The following MAGEL2 variants were observed in gnomAD, a reference collection of about 807,000 sequenced individuals.
MAGEL2 encodes the protein MAGE family member L2.
For missense variants in MAGEL2, 1,830 were observed against 1,699.2 expected, an observed-to-expected ratio of 1.08 and a Z score of -1.35; for synonymous variants, 792 against 721.7, an observed-to-expected ratio of 1.10 and a Z score of -1.56.
Position 23,643,874 on chromosome 15 carries a change from G to T in MAGEL2, c.*119C>A. 1.7e-6 allele frequency: 2 copies of T among 1,193,196 alleles called. No homozygotes were observed. Among genetic ancestry groups the T allele is most frequent in the Non-Finnish European group, 2.2e-6 (2 of 891,210 alleles). The allele number at this position is 1,193,196 out of a possible 1,614,324, so 73.9% of individuals were successfully genotyped here. On this transcript the variant is annotated 3_prime_UTR_variant, in exon 1 of 1. Coordinates refer to ENST00000650528, the MANE Select transcript of MAGEL2 (RefSeq NM_019066.5). ...GCTTTGGCAGATACGAAACCAAGTTGAAAATCCAAACGTACACTCGTGGAA... is the reference window on the plus strand; with the variant it reads ...GCTTTGGCAGATACGAAACCAAGTTTAAAATCCAAACGTACACTCGTGGAA...
rs774092989 is a variant in MAGEL2 at position 23,647,535 on chromosome 15, C to T, written c.208G>A (p.Gly70Ser). Residue 70 changes from glycine to serine, a missense_variant, in exon 1 of 1, where the codon GGC becomes AGC. Gly to Ser is a moderately conservative substitution (Grantham distance 56). Transcript: ENST00000650528. ...APQPAWEAPQGQLPAPVVPMT... is the reference protein window; with the variant it reads ...APQPAWEAPQSQLPAPVVPMT... The stretch of plus-strand genomic sequence containing the variant: ...GGAACCACCGGGGCGGGCAGCTGGC[C>T]CTGTGGGGCCTCCCAGGCAGGCTGA... 6.5e-7 allele frequency: 1 copy of T among 1,532,630 alleles called. No homozygotes were observed. Among genetic ancestry groups the T allele is most frequent in the South Asian group, 1.2e-5 (1 of 83,562 alleles). The allele number at this position is 1,532,630 out of a possible 1,614,324, so 94.9% of individuals were successfully genotyped here.
chr15:23,645,224 G>T lies in MAGEL2; in HGVS notation c.2519C>A (p.Pro840His), dbSNP rs780763780. Residue 840 changes from proline to histidine, a missense_variant, in exon 1 of 1, where the codon CCC becomes CAC. Coordinates refer to ENST00000650528, the MANE Select transcript of MAGEL2 (RefSeq NM_019066.5). ...CGATGCCTTTGAGGCATTCATATTG[G>T]GCTGTGGGACCCATGGAACTGCAGG... Reference protein sequence around the residue: ...ALPAVPWVPQPNMNASKASQA... With the variant: ...ALPAVPWVPQHNMNASKASQA... 1.9e-5 allele frequency: 31 copies of T among 1,613,800 alleles called. No individual in the cohort carries two copies. The highest frequency in any genetic ancestry group is 2.6e-5 in the Non-Finnish European group (31 of 1,179,912).
chr15:23,643,930 C>G lies in MAGEL2; in HGVS notation c.*63G>C. On this transcript the variant is annotated 3_prime_UTR_variant, in exon 1 of 1. Transcript: ENST00000650528. The stretch of plus-strand genomic sequence containing the variant: ...ACACAAACACCAGGAACAAAAATGT[C>G]CCCCCACCCTGTCAGTGGCCTCTGG... 1 of 1,465,258 alleles carries G rather than the reference C, an allele frequency of 6.8e-7. No homozygotes were observed. Among genetic ancestry groups the G allele is most frequent in the South Asian group, 1.6e-5 (1 of 64,280 alleles). The allele number at this position is 1,465,258 out of a possible 1,614,324, so 90.8% of individuals were successfully genotyped here.
In MAGEL2 at chr15:23,646,078, C is replaced by A. The variant is rs768084923; in HGVS notation, c.1665G>T (p.Pro555=). The change falls in exon 1 of 1, where the codon CCG becomes CCT. Residue 555 remains proline, a synonymous_variant. Coordinates refer to ENST00000650528, the MANE Select transcript of MAGEL2 (RefSeq NM_019066.5). This position sits in a 1 kb window ranked among gnomAD's most constrained non-coding sequence, Gnocchi z 4.2. ...GCTGGGGCACCTGCGGGCCAGCGGG[C>A]GGCGCCGCGGGTACCTGCGTAGCAG... ...APPATQVPAA[P]PAGPQVPQPV... is the part of the protein sequence containing the mutation. 15 of 1,471,706 alleles carry A rather than the reference C, an allele frequency of 1.0e-5. No individual in the cohort carries two copies. In the Admixed American group the frequency reaches 3.2e-4, roughly 31 times the overall value. 91.2% of individuals were successfully genotyped at this position (1,471,706 alleles called of 1,614,324 possible).
rs2140712506 is a variant in MAGEL2, at chr15:23,644,555, T to C, written c.3188A>G (p.Asn1063Ser). 6.2e-7 allele frequency: 1 copy of C among 1,613,960 alleles called. No individual in the cohort carries two copies. The highest frequency in any genetic ancestry group is 8.5e-7 in the Non-Finnish European group (1 of 1,179,888). ...EYKDECLDII[N>S]RANNKLECAF... is the part of the protein sequence containing the mutation. Reference sequence around the variant, plus strand: ...ACACTCCAGCTTATTGTTGGCACGGTTGATGATATCTAAGCACTCATCTTT... The same window carrying C: ...ACACTCCAGCTTATTGTTGGCACGGCTGATGATATCTAAGCACTCATCTTT... Residue 1063 changes from asparagine to serine, a missense_variant, in exon 1 of 1, where the codon AAC (asparagine) becomes AGC (serine). Physicochemically the swap from Asn to Ser is conservative, Grantham distance 46 (BLOSUM62 1). Coordinates refer to ENST00000650528, the MANE Select transcript of MAGEL2 (RefSeq NM_019066.5).
rs1283338365 is a variant in MAGEL2 at position 23,644,709 on chromosome 15, C to T, written c.3034G>A (p.Val1012Met). ...GSSATQDNSK[V>M]EAQPLSPLDE... ...AAGGGAGACAAGGGCTGTGCCTCCA[C>T]CTTGGAATTATCCTGGGTGGCACTG... The change falls in exon 1 of 1, where the codon GTG (valine) becomes ATG (methionine). Residue 1012 changes from valine (V) to methionine (M), a missense_variant. Val to Met is a conservative substitution (Grantham distance 21, BLOSUM62 1). Coordinates refer to ENST00000650528, the MANE Select transcript of MAGEL2 (RefSeq NM_019066.5). 2.5e-6 allele frequency: 4 copies of T among 1,613,868 alleles called. No homozygotes were observed. The highest frequency in any genetic ancestry group is 3.3e-5 in the Admixed American group (2 of 60,028).
At position 23,647,663 on chromosome 15, in the gene MAGEL2, G is replaced by T; in HGVS notation, c.80C>A (p.Thr27Lys). The change falls in exon 1 of 1, where the codon ACG becomes AAG. Residue 27 changes from threonine to lysine, a missense_variant. Physicochemically the swap from Thr to Lys is moderately conservative, Grantham distance 78 (BLOSUM62 -1). Coordinates refer to ENST00000650528, the MANE Select transcript of MAGEL2 (RefSeq NM_019066.5). The part of the protein sequence containing the change: ...APKPPVYSRP[T>K]VLMRAPPASS... ...AGCGGGCGGGGCCCGCATCAGAACC[G>T]TAGGGCGGCTATAGACAGGCGGCTT... The T allele has an allele frequency of 2.6e-6, 4 of 1,531,300 alleles. No individual in the cohort carries two copies. The highest frequency in any genetic ancestry group is 3.5e-6 in the Non-Finnish European group (4 of 1,145,176). 94.9% of individuals were successfully genotyped at this position (1,531,300 alleles called of 1,614,324 possible).
rs1039431104 is a variant in MAGEL2 at position 23,647,213 on chromosome 15, G to A, written c.530C>T (p.Thr177Ile). Residue 177 changes from threonine to isoleucine, a missense_variant, in exon 1 of 1, where the codon ACC becomes ATC. Coordinates refer to ENST00000650528, the MANE Select transcript of MAGEL2 (RefSeq NM_019066.5). ...CGGAGGAGGAGGATGCACCATCGGG[G>A]TCCCCGGAGGAGGAGGATGGGCCAT... ...TPMAHPPPPG[T>I]PMVHPPPPGT... The A allele has an allele frequency of 1.3e-6, 2 of 1,520,350 alleles. No individual in the cohort carries two copies. The highest frequency in any genetic ancestry group is 1.8e-6 in the Non-Finnish European group (2 of 1,138,402). 94.2% of individuals were successfully genotyped at this position (1,520,350 alleles called of 1,614,324 possible).
chr15:23,646,775 G>C lies in MAGEL2; in HGVS notation c.968C>G (p.Ala323Gly). ...CGGGGCCCAAGAAGCCATCGGCTGT[G>C]CAGGTGGGGCCATCGGCTGTGCAGG... ...APPAQPMAPP[A>G]QPMASWAPQA... Residue 323 changes from alanine to glycine, a missense_variant, in exon 1 of 1, where the codon GCA (alanine) becomes GGA (glycine). Physicochemically the swap from Ala to Gly is moderately conservative, Grantham distance 60. Transcript: ENST00000650528. The surrounding 1 kb of genome is among the most constrained non-coding windows in gnomAD (Gnocchi z 4.2). 6.5e-7 allele frequency: 1 copy of C among 1,533,248 alleles called. No individual in the cohort carries two copies. Among genetic ancestry groups the C allele is most frequent in the Non-Finnish European group, 8.7e-7 (1 of 1,146,210 alleles). The allele number at this position is 1,533,248 out of a possible 1,614,324, so 95.0% of individuals were successfully genotyped here. A position where few individuals can be genotyped will look rare whatever the true frequency, so the allele number is the denominator to read the frequency against.
chr15:23,644,322 A>G lies in MAGEL2; in HGVS notation c.3421T>C (p.Leu1141=), dbSNP rs766428803. The change falls in exon 1 of 1, where the codon TTG becomes CTG. Residue 1141 remains leucine, a synonymous_variant. Coordinates refer to ENST00000650528, the MANE Select transcript of MAGEL2 (RefSeq NM_019066.5). ...LIFNFLFKLG[L]DVRETNGLFG... ...AGACCGTTTGTCTCCCGGACATCCA[A>G]CCCTAACTTGAACAGAAAATTAAAG... The G allele has an allele frequency of 1.2e-6, 2 of 1,613,702 alleles. No homozygotes were observed. Among genetic ancestry groups the G allele is most frequent in the Non-Finnish European group, 1.7e-6 (2 of 1,179,858 alleles).
Position 23,646,255 on chromosome 15 carries a change from C to A in MAGEL2, c.1488G>T (p.Ala496=), listed in dbSNP as rs1566784584. Reference sequence around the variant, plus strand: ...GTGGGGCAGGTCGGATGGGCGGCGGCGCCTGGCGGATCAGCGGCGGGGCCT... The same window carrying A: ...GTGGGGCAGGTCGGATGGGCGGCGGAGCCTGGCGGATCAGCGGCGGGGCCT... ...IRQAPPLIRQ[A]PPPIRPAPQV... is the part of the protein sequence containing the mutation. The change falls in exon 1 of 1, where the codon GCG becomes GCT. Residue 496 remains alanine, a synonymous_variant. Transcript: ENST00000650528. The surrounding 1 kb of genome is among the most constrained non-coding windows in gnomAD (Gnocchi z 4.2). The A allele has an allele frequency of 1.5e-6, 2 of 1,360,276 alleles. No individual in the cohort carries two copies. Among genetic ancestry groups the A allele is most frequent in the Non-Finnish European group, 1.9e-6 (2 of 1,066,544 alleles). The allele number at this position is 1,360,276 out of a possible 1,614,324, so 84.3% of individuals were successfully genotyped here.
In MAGEL2 at chr15:23,644,738, C is replaced by A; in HGVS notation, c.3005G>T (p.Gly1002Val). The change falls in exon 1 of 1, where the codon GGA becomes GTA. Residue 1002 changes from glycine (G) to valine (V), a missense_variant. Transcript: ENST00000650528. ...GGAATTATCCTGGGTGGCACTGGAT[C>A]CCGGAGAGACACTTGCGACCTCAGA... ...VVSEVASVSP[G>V]SSATQDNSKV... is the part of the protein sequence containing the mutation. 1 of 1,613,822 alleles carries A rather than the reference C, an allele frequency of 6.2e-7. No homozygotes were observed. The highest frequency in any genetic ancestry group is 8.5e-7 in the Non-Finnish European group (1 of 1,179,890).
At position 23,645,380 on chromosome 15, in the gene MAGEL2, C is replaced by A. The variant is rs984557516; in HGVS notation, c.2363G>T (p.Ser788Ile). ...ATPETFAPSS[S>I]VFPATSQFQP... ...AAACTGGGAGGTAGCTGGGAAGACACTTGAGGAGGGAGCAAAGGTCTCCGG... is the reference window on the plus strand; with the variant it reads ...AAACTGGGAGGTAGCTGGGAAGACAATTGAGGAGGGAGCAAAGGTCTCCGG... The change falls in exon 1 of 1, where the codon AGT becomes ATT. Residue 788 changes from serine to isoleucine, a missense_variant. Transcript: ENST00000650528. 6.2e-7 allele frequency: 1 copy of A among 1,613,862 alleles called. No homozygotes were observed.
At position 23,643,952 on chromosome 15, in the gene MAGEL2, C is replaced by CGG; in HGVS notation, c.*40_*41insCC. 2 of 1,504,048 alleles carry CGG rather than the reference C, an allele frequency of 1.3e-6. No individual in the cohort carries two copies. Among genetic ancestry groups the CGG allele is most frequent in the Admixed American group, 2.3e-5 (1 of 44,304 alleles). The allele number at this position is 1,504,048 out of a possible 1,614,324, so 93.2% of individuals were successfully genotyped here. On this transcript the variant is annotated 3_prime_UTR_variant, in exon 1 of 1. Coordinates refer to ENST00000650528, the MANE Select transcript of MAGEL2 (RefSeq NM_019066.5). ...TGTCCCCCCACCCTGTCAGTGGCCT[C>CGG]TGGCCAGGGAAACACAGGAGCGAGA...
Position 23,647,763 on chromosome 15 carries a change from T to C in MAGEL2, c.-21A>G. On this transcript the variant is annotated 5_prime_UTR_variant, in exon 1 of 1. Coordinates refer to ENST00000650528, the MANE Select transcript of MAGEL2 (RefSeq NM_019066.5). ...GACATGTCCCTTTGCTGACAGCTGG[T>C]GGGTCTTTTCCTCGGACAGCTGCTG... is the stretch of plus-strand genomic sequence containing the variant. The C allele has an allele frequency of 7.0e-7, 1 of 1,437,348 alleles. No individual in the cohort carries two copies. Among genetic ancestry groups the C allele is most frequent in the Non-Finnish European group, 9.1e-7 (1 of 1,100,584 alleles). The allele number at this position is 1,437,348 out of a possible 1,614,324, so 89.0% of individuals were successfully genotyped here.
In MAGEL2 at chr15:23,643,818, T is replaced by C; in HGVS notation, c.*175A>G. The stretch of plus-strand genomic sequence containing the variant: ...AATACAGAACAGAACAGTAGCCGAT[T>C]GAAATCAACACCACATAAAAAATGT... On this transcript the variant is annotated 3_prime_UTR_variant, in exon 1 of 1. Transcript: ENST00000650528. 3.2e-6 allele frequency: 2 copies of C among 631,838 alleles called. No individual in the cohort carries two copies. Among genetic ancestry groups the C allele is most frequent in the Non-Finnish European group, 5.1e-6 (2 of 393,282 alleles). The allele number at this position is 631,838 out of a possible 1,614,324, so 39.1% of individuals were successfully genotyped here.
rs576068111 is a variant in MAGEL2 at position 23,646,644 on chromosome 15, C to A, written c.1099G>T (p.Gly367Cys). 73 of 1,486,590 alleles carry A rather than the reference C, an allele frequency of 4.9e-5. No homozygotes were observed. The East Asian group carries it at 1.8e-3, about 37-fold the overall frequency. The allele number at this position is 1,486,590 out of a possible 1,614,324, so 92.1% of individuals were successfully genotyped here. The change falls in exon 1 of 1, where the codon GGC (glycine) becomes TGC (cysteine). Residue 367 changes from glycine (G) to cysteine (C), a missense_variant. Gly to Cys is a radical substitution (Grantham distance 159). Transcript: ENST00000650528. The surrounding 1 kb of genome is among the most constrained non-coding windows in gnomAD (Gnocchi z 4.2). ...APPAQLATPP[G>C]WQATSPGWQA... ...CATCCTGGCGAGGTCGCCTGCCAGCCCGGGGGTGTGGCTAGCTGCGCTGGG... is the reference window on the plus strand; with the variant it reads ...CATCCTGGCGAGGTCGCCTGCCAGCACGGGGGTGTGGCTAGCTGCGCTGGG...
At position 23,643,744 on chromosome 15, in the gene MAGEL2, A is replaced by T. The variant is rs8920; in HGVS notation, c.*249T>A. On this transcript the variant is annotated 3_prime_UTR_variant, in exon 1 of 1. Transcript: ENST00000650528. Reference sequence around the variant, plus strand: ...AGCTGATACCAAAACATAACAATTAAAACACAAAACAGAGAACCACAGATC... The same window carrying T: ...AGCTGATACCAAAACATAACAATTATAACACAAAACAGAGAACCACAGATC... 251,836 of 402,118 alleles carry T rather than the reference A, an allele frequency of 0.63. 82,253 individuals are homozygous for T. The highest frequency in any genetic ancestry group is 0.88 in the African/African-American group (43,190 of 48,848). The allele number at this position is 402,118 out of a possible 1,614,324, so 24.9% of individuals were successfully genotyped here. A position where few individuals can be genotyped will look rare whatever the true frequency, so the allele number is the denominator to read the frequency against.
rs2140719205 is a variant in MAGEL2, at chr15:23,647,481, G to T, written c.262C>A (p.Pro88Thr). The change falls in exon 1 of 1, where the codon CCG (proline) becomes ACG (threonine). Residue 88 changes from proline (P) to threonine (T), a missense_variant. Transcript: ENST00000650528. ...PMTQPPALGG[P>T]IVPAPPLGGP... ...CCCAGCGGGGGAGCCGGGACTATCGGGCCCCCTAGGGCAGGAGGCTGGGTC... is the reference window on the plus strand; with the variant it reads ...CCCAGCGGGGGAGCCGGGACTATCGTGCCCCCTAGGGCAGGAGGCTGGGTC... 1.3e-6 allele frequency: 2 copies of T among 1,531,744 alleles called. No individual in the cohort carries two copies. Among genetic ancestry groups the T allele is most frequent in the Non-Finnish European group, 1.7e-6 (2 of 1,144,770 alleles). The allele number at this position is 1,531,744 out of a possible 1,614,324, so 94.9% of individuals were successfully genotyped here.
Sources: allele counts gnomAD v4.1 joint callset, GRCh38; gene constraint gnomAD v4.1.1; non-coding constraint Gnocchi (gnomAD v3.1); transcripts MANE v1.5; gene names NCBI Gene and HGNC (gene_info 2026-07-23, HGNC 2026-07-21).